Variants in MYH15 observed in about 807,000 individuals in gnomAD.
The protein encoded by MYH15 is myosin heavy chain 15.
In MYH15, 227 loss-of-function variants were observed where a neutral mutation model predicts 240.5. The ratio of observed to expected loss-of-function variants is 0.94; its 90% CI spans 0.85 to 1.05. The LOEUF is 1.05. Ranked by LOEUF, MYH15 falls within the 50% of genes least tolerant of loss-of-function variation. MYH15 has a pLI of 0.00. For synonymous variants in MYH15, 785 were observed against 796.7 expected, an observed-to-expected ratio of 0.99 and a Z score of 0.25; for missense variants, 2,217 against 2,247.5, an observed-to-expected ratio of 0.99 and a Z score of 0.27.
intron 18 of MYH15, among the ~76,000 whole-genome samples, chr3:108,457,817 T>G (rs1021875364): frequency 4.6e-5 from 7 of 152,266 alleles, no homozygotes; most frequent in Admixed American, 2.0e-4. Context: ...GCAGGTCACT[T>G]GAGGCCAGGA....
At chr3:108,411,421 T>C (rs903113517) in intron 30 of MYH15, among the ~76,000 whole-genome samples, 5 of 152,180 alleles carry the variant, frequency 3.3e-5, no homozygotes, top group African/African-American at 1.2e-4. Context: ...CTCCTCAACA[T>C]GACACAATTC....
rs2082787164 is a variant in MYH15, at chr3:108,432,534, C to T, written c.3222-1612G>A. 3.3e-5 allele frequency among the ~76,000 whole-genome samples: 5 copies of T among 152,264 alleles called. No individual in the cohort carries two copies. The South Asian group carries it at 1.0e-3, about 32-fold the overall frequency. On this transcript the variant is annotated intron_variant, in intron 25 of 40. Coordinates refer to ENST00000693548, the MANE Select transcript of MYH15 (RefSeq NM_014981.3). ...CCCAAGACAACTGGAAAAATGTCTC[C>T]AGGCCATGTCAGAGGTCTTCACTAC...
chr3:108,426,727 C>T (rs2082727575), intron 27 of MYH15, among the ~76,000 whole-genome samples: 2 of 152,168 alleles, frequency 1.3e-5, no homozygotes, highest in Admixed American at 1.3e-4. Context: ...CTGCCCCCAA[C>T]ACCCCAGACT....
the MYH15 span, among the ~76,000 whole-genome samples, chr3:108,535,994 G>A: frequency 2.6e-5 from 4 of 152,154 alleles, no homozygotes; most frequent in Non-Finnish European, 5.9e-5. Flanking sequence ...TAGGCAGGGC[G>A]AGGTGGCTCA....
At chr3:108,470,464 T>A (rs1190414792) in intron 13 of MYH15, among the ~76,000 whole-genome samples, 2 of 152,184 alleles carry the variant, frequency 1.3e-5, no homozygotes, top group African/African-American at 2.4e-5. Flanking sequence ...TTAATTCCTT[T>A]ACCTCCATTT....
chr3:108,513,747 A>T (rs763625664), upstream of MYH15, among the ~76,000 whole-genome samples: 1 of 152,200 alleles, frequency 6.6e-6, no homozygotes, highest in Non-Finnish European at 1.5e-5. Context: ...CAATGAATGT[A>T]CACATTTTCC....
intron 26 of MYH15, among the ~76,000 whole-genome samples, chr3:108,430,628 A>C (rs1425232509): frequency 2.6e-5 from 4 of 152,180 alleles, no homozygotes; most frequent in Non-Finnish European, 4.4e-5. Context: ...TTAGCTATTC[A>C]TTTTTATTAT....
intron 9 of MYH15, among the ~76,000 whole-genome samples, chr3:108,489,269 G>C (rs1395663746): frequency 6.6e-6 from 1 of 152,132 alleles, no homozygotes; most frequent in Non-Finnish European, 1.5e-5. Flanking sequence ...ACAGGGTTGA[G>C]GCCAAATGTC....
intron 13 of MYH15, among the ~76,000 whole-genome samples, 179 bp downstream of exon 13, chr3:108,470,519 C>T (rs35027842): frequency 0.08 from 12,211 of 152,124 alleles, 549 homozygotes; most frequent in Middle Eastern, 0.1. Flanking sequence ...ATACTTAATA[C>T]CATTAAGTAT....
intron 22 of MYH15, among the ~76,000 whole-genome samples, 177 bp downstream of exon 22, chr3:108,444,463 A>C (rs1277343773): frequency 6.6e-6 from 1 of 152,202 alleles, no homozygotes; most frequent in Non-Finnish European, 1.5e-5. Context: ...TGCCAATTAA[A>C]TCACTTCACT....
At chr3:108,541,979 A>G in the MYH15 span, among the ~76,000 whole-genome samples, 10 of 152,184 alleles carry the variant, frequency 6.6e-5, no homozygotes, top group African/African-American at 2.2e-4. Flanking sequence ...TTAAGAATAC[A>G]TAAGAAATCT....
At chr3:108,404,174 G>A (rs2082529198) in intron 33 of MYH15, among the ~76,000 whole-genome samples, 1 of 152,136 alleles carries the variant, frequency 6.6e-6, no homozygotes, top group Non-Finnish European at 1.5e-5. Flanking sequence ...ATGCCAGTGA[G>A]TGAGAGCAAA....
intron 28 of MYH15, among the ~76,000 whole-genome samples, chr3:108,420,276 C>G (rs1394525191): frequency 6.6e-6 from 1 of 152,194 alleles, no homozygotes; most frequent in African/African-American, 2.4e-5. Context: ...AGCAAAGACC[C>G]TTGACCTCAT....
chr3:108,453,074 T>C (rs1224136671), intron 21 of MYH15, among the ~76,000 whole-genome samples: 1 of 152,220 alleles, frequency 6.6e-6, no homozygotes, highest in African/African-American at 2.4e-5. Context: ...ACAATAACTT[T>C]TGAAGTCATG....
chr3:108,507,244 TATATATA>T (rs1560439579), intron 1 of MYH15, among the ~76,000 whole-genome samples: 3 of 64,912 alleles, frequency 4.6e-5, no homozygotes, highest in Admixed American at 1.4e-4. Flanking sequence ...TATATATATA[TATATATA>T]TATATATATA....
the MYH15 span, chr3:108,543,232 T>C: frequency 6.6e-6 from 1 of 152,244 alleles, no homozygotes; most frequent in African/African-American, 2.4e-5. Context: ...ATGTACCACA[T>C]TTTGTTTATC....
rs1299173331 is a variant in MYH15, at chr3:108,495,950, G to A, written c.619-78C>T. The A allele has an allele frequency of 3.8e-6, 4 of 1,058,570 alleles. No homozygotes were observed. The African/African-American group carries it at 4.8e-5, about 13-fold the overall frequency. 65.6% of individuals were successfully genotyped at this position (1,058,570 alleles called of 1,614,324 possible). On this transcript the variant is annotated intron_variant, in intron 6 of 40. Coordinates refer to ENST00000693548, the MANE Select transcript of MYH15 (RefSeq NM_014981.3). ...TAATGCGGCAAGCCCTCCATCTCCAGGTCAAACCCCATTCTTGCTTTGATA... is the reference window on the plus strand; with the variant it reads ...TAATGCGGCAAGCCCTCCATCTCCAAGTCAAACCCCATTCTTGCTTTGATA...
At chr3:108,428,301 T>A (rs940649789) in intron 27 of MYH15, among the ~76,000 whole-genome samples, 191 bp downstream of exon 27, 3 of 152,216 alleles carry the variant, frequency 2.0e-5, no homozygotes, top group Non-Finnish European at 2.9e-5. Context: ...CACATTCTGG[T>A]GATGGCTGTG....
In MYH15 at chr3:108,444,664, AT is replaced by A. The variant is rs1560372432; in HGVS notation, c.2630del (p.Asn877MetfsTer3). ...CAGCCTGAAGCTGAAGAATCAGGTC[AT>A]TTTTTTCCTGAGTGAGGGATACTTG... ...AKQVSLTQEK[N>X]DLILQLQAEQ... On this transcript the variant is annotated frameshift_variant, in exon 22 of 41. Transcript: ENST00000693548. LOFTEE classifies it high-confidence loss of function. 6.2e-7 allele frequency: 1 copy of A among 1,613,936 alleles called. No individual in the cohort carries two copies. The highest frequency in any genetic ancestry group is 1.3e-5 in the African/African-American group (1 of 75,012).
Sources: allele counts gnomAD v4.1 joint callset (sites outside exome capture counted in the v4.1 genomes callset), GRCh38; gene constraint gnomAD v4.1.1; transcripts MANE v1.5; gene names NCBI Gene and HGNC (gene_info 2026-07-23, HGNC 2026-07-21).